Variants in RP1 observed in about 807,000 individuals in gnomAD.
RP1 encodes the protein oxygen-regulated protein 1.
RP1 carries 16 observed loss-of-function variants against 14.8 expected under a neutral mutation model. The ratio of observed to expected loss-of-function variants is 1.08; its 90% CI spans 0.73 to 1.65. The LOEUF is 1.65. Ranked by LOEUF, RP1 falls within the 40% of genes most tolerant of loss-of-function variation. The pLI is 0.00. For missense variants in RP1, 2,631 were observed against 2,535.0 expected, an observed-to-expected ratio of 1.04 and a Z score of -0.81; for synonymous variants, 876 against 883.6, an observed-to-expected ratio of 0.99 and a Z score of 0.15.
chr8:54,582,568 C>T (rs1419398180), intron 1 of RP1, among the ~76,000 whole-genome samples: 1 of 152,046 alleles, frequency 6.6e-6, no homozygotes, highest in Non-Finnish European at 1.5e-5. Context: ...ATGGGGATGG[C>T]ATTGAATCTA....
intron 8 of RP1, among the ~76,000 whole-genome samples, chr8:54,676,010 G>A (rs1807287877): frequency 3.3e-5 from 5 of 151,996 alleles, no homozygotes; most frequent in Admixed American, 2.6e-4. Flanking sequence ...AAAAGGCCTC[G>A]CTAGTTCCCT....
intron 23 of RP1, among the ~76,000 whole-genome samples, chr8:54,779,017 T>C (rs1023961761): frequency 6.6e-6 from 1 of 152,156 alleles, no homozygotes; most frequent in Non-Finnish European, 1.5e-5. Context: ...TGGAGGTGGA[T>C]CTGTTCAACT....
chr8:54,730,012 A>G (rs923960341), intron 17 of RP1, among the ~76,000 whole-genome samples: 1 of 151,998 alleles, frequency 6.6e-6, no homozygotes, highest in African/African-American at 2.4e-5. Flanking sequence ...TAAATTATAT[A>G]TTGTAAAGGT....
At chr8:54,595,422 C>T (rs1339046276) in intron 1 of RP1, among the ~76,000 whole-genome samples, 3 of 152,168 alleles carry the variant, frequency 2.0e-5, no homozygotes, top group Admixed American at 2.0e-4. Flanking sequence ...AGACACCACG[C>T]CTGGCCCCCT....
intron 15 of RP1, among the ~76,000 whole-genome samples, chr8:54,707,315 G>A (rs1808175298): frequency 6.6e-6 from 1 of 151,918 alleles, no homozygotes; most frequent in Non-Finnish European, 1.5e-5. Context: ...GTAGAGAGAG[G>A]GTCTCGCCAT....
intron 25 of RP1, among the ~76,000 whole-genome samples, chr8:54,850,580 T>A (rs112391871): frequency 0.013 from 1,956 of 152,340 alleles, 51 homozygotes; most frequent in African/African-American, 0.044. Context: ...AAGGAGCTGA[T>A]GCAATCTTTG....
intron 6 of RP1, among the ~76,000 whole-genome samples, chr8:54,660,975 G>A (rs1324022489): frequency 2.0e-5 from 3 of 151,606 alleles, no homozygotes; most frequent in African/African-American, 7.3e-5. Flanking sequence ...CTTTAGCATA[G>A]TTATTTGGTT....
chr8:54,595,656 A>G (rs1478545967), intron 1 of RP1, among the ~76,000 whole-genome samples: 1 of 152,250 alleles, frequency 6.6e-6, no homozygotes, highest in Non-Finnish European at 1.5e-5. Context: ...TCAAAAAGAA[A>G]AGTATAAACC....
At position 54,653,671 on chromosome 8, in the gene RP1, G is replaced by T. The variant is rs772296093; in HGVS notation, c.1038+805G>T. On this transcript the variant is annotated intron_variant, in intron 5 of 22. Coordinates refer to the RP1 transcript ENST00000636932. ...TCTTCTTTATGTTAAAGTTACAAAC[G>T]ATTCTGAAAGCAGAATGAGAAAATA... Among the ~76,000 whole-genome samples, 15 of 152,170 alleles carry T rather than the reference G, an allele frequency of 9.9e-5. No individual in the cohort carries two copies. In the South Asian group the frequency reaches 1.0e-3, roughly 11 times the overall value.
At chr8:54,869,754 C>G in intron 28 of RP1, 1 of 477,010 alleles carries the variant, frequency 2.1e-6, no homozygotes, top group Non-Finnish European at 3.3e-6. Context: ...TCTTTAAATT[C>G]TTTCCATATG....
chr8:54,568,379 G>T (rs189670381), intron 1 of RP1, among the ~76,000 whole-genome samples: 1 of 152,330 alleles, frequency 6.6e-6, no homozygotes, highest in Non-Finnish European at 1.5e-5. Context: ...AATAATGTTT[G>T]TTGAATTGAA....
At chr8:54,572,218 G>A (rs1002419886) in intron 1 of RP1, among the ~76,000 whole-genome samples, 2 of 152,222 alleles carry the variant, frequency 1.3e-5, no homozygotes, top group African/African-American at 4.8e-5. Context: ...CTGGGTGATG[G>A]GGCTAATTGC....
intron 24 of RP1, among the ~76,000 whole-genome samples, chr8:54,832,663 G>A (rs1334213973): frequency 6.6e-6 from 1 of 151,630 alleles, no homozygotes; most frequent in Non-Finnish European, 1.5e-5. Context: ...CATACGTCTA[G>A]TAATTTTGAT....
At chr8:54,704,045 A>C (rs1350414975) in intron 14 of RP1, among the ~76,000 whole-genome samples, 2 of 152,142 alleles carry the variant, frequency 1.3e-5, no homozygotes, top group Non-Finnish European at 2.9e-5. Context: ...TATCAGCAAT[A>C]AGGCTGTTTA....
intron 12 of RP1, among the ~76,000 whole-genome samples, chr8:54,684,391 A>G (rs570893065): frequency 2.1e-4 from 32 of 152,306 alleles, no homozygotes; most frequent in African/African-American, 7.5e-4. Context: ...ACATGGTACC[A>G]GGTCCTCTTT....
chr8:54,576,178 C>G (rs1003141825), intron 1 of RP1, among the ~76,000 whole-genome samples: 1 of 152,056 alleles, frequency 6.6e-6, no homozygotes, highest in Non-Finnish European at 1.5e-5. Context: ...GTAGCTGGGA[C>G]TACAGGCGCG....
intron 1 of RP1, among the ~76,000 whole-genome samples, chr8:54,566,725 C>T (rs1040422106): frequency 2.6e-5 from 4 of 152,092 alleles, no homozygotes; most frequent in Non-Finnish European, 5.9e-5. Flanking sequence ...CTGAGCTCAG[C>T]GCCACTGCTA....
chr8:54,641,380 AT>A (rs1379804924), intron 3 of RP1, among the ~76,000 whole-genome samples: 1 of 152,144 alleles, frequency 6.6e-6, no homozygotes, highest in East Asian at 1.9e-4. Flanking sequence ...CACAGGCACT[AT>A]TTCTCTAATT....
At position 54,625,924 on chromosome 8, in the gene RP1, T is replaced by A. The variant is rs966147989; in HGVS notation, c.2042T>A (p.Ile681Lys). Residue 681 changes from isoleucine (I) to lysine (K), a missense_variant, in exon 4 of 4, where the codon ATA becomes AAA. Ile to Lys is a moderately radical substitution (Grantham distance 102, BLOSUM62 -3). Coordinates refer to ENST00000220676, the MANE Select transcript of RP1 (RefSeq NM_006269.2). The stretch of plus-strand genomic sequence containing the variant: ...AAGAAAAAATCTCGACAGCAAGCAA[T>A]AAATTCCAGGTATCAAGATGGACAG... ...KKKKKSRQQA[I>K]NSRYQDGQLA... is the part of the protein sequence containing the mutation. 14 of 1,613,786 alleles carry A rather than the reference T, an allele frequency of 8.7e-6. No homozygotes were observed. The Admixed American group carries it at 1.8e-4, about 21-fold the overall frequency.
Sources: gnomAD v4.1 joint callset for allele counts (sites outside exome capture counted in the v4.1 genomes callset) on GRCh38, gnomAD v4.1.1 for gene constraint, MANE v1.5 for transcripts, NCBI Gene and HGNC (gene_info 2026-07-23, HGNC 2026-07-21) for gene names.